TTC39C: variants seen among roughly 807,000 people sequenced by gnomAD.
The protein encoded by TTC39C is tetratricopeptide repeat protein 39C.
Under a neutral mutation model 76.3 loss-of-function variants are expected in TTC39C, and 33 were observed. The ratio of observed to expected loss-of-function variants is 0.43; its 90% CI spans 0.33 to 0.58. The LOEUF (loss-of-function observed/expected upper bound fraction) is 0.58, where lower values mean the gene tolerates loss of function less well. Among genes scored for constraint, TTC39C ranks in the 20% least tolerant of loss-of-function variants. TTC39C has a pLI of 0.04. For synonymous variants in TTC39C, 254 were observed against 260.6 expected (o/e 0.97, Z 0.24); for missense variants, 595 against 701.4 (o/e 0.85, Z 1.71).
intron 1 of TTC39C, among the ~76,000 whole-genome samples, chr18:24,039,732 T>A (rs2083769944): frequency 6.6e-6 from 1 of 152,152 alleles, no homozygotes; most frequent in Non-Finnish European, 1.5e-5. Flanking sequence ...AGAAAACAAG[T>A]TAGAGAGCGA....
At chr18:24,019,762 G>A in intron 1 of TTC39C, 1 of 916,842 alleles carries the variant, frequency 1.1e-6, no homozygotes, top group Non-Finnish European at 1.6e-6. Context: ...GTTATGTGTG[G>A]TCTGTGGTTG....
intron 6 of TTC39C, among the ~76,000 whole-genome samples, chr18:24,110,592 CACTT>C (rs1260719770): frequency 6.6e-6 from 1 of 152,190 alleles, no homozygotes; most frequent in African/African-American, 2.4e-5. Flanking sequence ...CGGCAACACT[CACTT>C]AGAGAATAAA....
At chr18:24,075,880 T>C (rs897797551) in intron 4 of TTC39C, among the ~76,000 whole-genome samples, 5 of 152,092 alleles carry the variant, frequency 3.3e-5, no homozygotes, top group African/African-American at 1.2e-4. Context: ...TAACTTGATA[T>C]TCCCATTTTG....
intron 1 of TTC39C, among the ~76,000 whole-genome samples, chr18:24,019,241 C>G (rs1331724550): frequency 6.6e-6 from 1 of 152,216 alleles, no homozygotes; most frequent in East Asian, 1.9e-4. Flanking sequence ...ACCAGCCCAT[C>G]TCCCGCTTTA....
chr18:23,999,190 C>G (rs953333175), intron 1 of TTC39C, among the ~76,000 whole-genome samples: 1 of 152,174 alleles, frequency 6.6e-6, no homozygotes, highest in South Asian at 2.1e-4. Flanking sequence ...ACCTTCGAAA[C>G]CTAAGCCTTC....
intron 6 of TTC39C, among the ~76,000 whole-genome samples, chr18:24,083,371 C>A (rs1241321664): frequency 6.6e-6 from 1 of 152,132 alleles, no homozygotes; most frequent in Non-Finnish European, 1.5e-5. Context: ...TATTTAGTTG[C>A]TGAGTTGAAA....
At chr18:24,129,020 G>A (rs2085087441) in intron 11 of TTC39C, 37 bp downstream of exon 11, 2 of 1,538,070 alleles carry the variant, frequency 1.3e-6, no homozygotes, top group South Asian at 2.3e-5. Flanking sequence ...AAGAAAATAA[G>A]TCACGAACAC....
At chr18:24,052,676 G>C (rs1243214450) in intron 1 of TTC39C, among the ~76,000 whole-genome samples, 2 of 152,100 alleles carry the variant, frequency 1.3e-5, no homozygotes, top group Non-Finnish European at 2.9e-5. Context: ...GTTTTTGTTT[G>C]GTGTGATTTC....
chr18:24,038,268 A>G (rs140688552), intron 1 of TTC39C, among the ~76,000 whole-genome samples: 35 of 152,288 alleles, frequency 2.3e-4, no homozygotes, highest in Admixed American at 4.6e-4. Flanking sequence ...CAATCTACAC[A>G]GCATGTAATT....
chr18:24,047,085 TATATA>T (rs2083894284), intron 1 of TTC39C, among the ~76,000 whole-genome samples: 1 of 151,732 alleles, frequency 6.6e-6, no homozygotes, highest in African/African-American at 2.4e-5. Context: ...TTTACATTGA[TATATA>T]TTTCTTTTTT....
chr18:24,031,399 C>G (rs2083669001), intron 1 of TTC39C, among the ~76,000 whole-genome samples: 1 of 152,170 alleles, frequency 6.6e-6, no homozygotes, highest in Non-Finnish European at 1.5e-5. Context: ...TGTTTTTATG[C>G]TGAATAGTAT....
chr18:24,123,738 C>A, intron 8 of TTC39C, 96 bp from the exon 9 acceptor site: 1 of 856,572 alleles, frequency 1.2e-6, no homozygotes, highest in Non-Finnish European at 1.8e-6. Context: ...CATATTTGCT[C>A]CTGCTTTTTT....
chr18:24,009,131 C>T (rs975521458), intron 1 of TTC39C, among the ~76,000 whole-genome samples: 1 of 152,160 alleles, frequency 6.6e-6, no homozygotes, highest in Non-Finnish European at 1.5e-5. Context: ...ATGAAATAAT[C>T]TGTACAACAA....
chr18:24,130,882 G>A (rs1942599258), intron 12 of TTC39C, among the ~76,000 whole-genome samples: 1 of 151,690 alleles, frequency 6.6e-6, no homozygotes, highest in Non-Finnish European at 1.5e-5. Context: ...TAAAAATACA[G>A]TTTTTAAAAG....
At chr18:24,035,800 C>T (rs2083724549) in intron 1 of TTC39C, among the ~76,000 whole-genome samples, 1 of 152,130 alleles carries the variant, frequency 6.6e-6, no homozygotes, top group Non-Finnish European at 1.5e-5. Flanking sequence ...ATCGGTGTAT[C>T]TGTATTTTCT....
At chr18:24,030,956 G>C (rs2083661576) in intron 1 of TTC39C, among the ~76,000 whole-genome samples, 1 of 146,574 alleles carries the variant, frequency 6.8e-6, no homozygotes, top group Non-Finnish European at 1.5e-5. Context: ...TTTTGTTTTT[G>C]TTTTTGAGAC....
chr18:24,075,671 T>G (rs2084296180), intron 4 of TTC39C, among the ~76,000 whole-genome samples: 2 of 125,906 alleles, frequency 1.6e-5, no homozygotes, highest in African/African-American at 3.1e-5. Context: ...GCAATCCAAG[T>G]GAGACCTTGT....
chr18:24,071,342 G>A (rs780565754), intron 4 of TTC39C, among the ~76,000 whole-genome samples: 53 of 152,262 alleles, frequency 3.5e-4, no homozygotes, highest in Non-Finnish European at 6.5e-4. Context: ...GCAAACACAG[G>A]CCTAGTCCCT....
At chr18:24,123,729 A>T in intron 8 of TTC39C, 105 bp from the exon 9 acceptor site, 1 of 778,308 alleles carries the variant, frequency 1.3e-6, no homozygotes, top group Non-Finnish European at 2.0e-6. Context: ...GTCTTTAAAC[A>T]TATTTGCTCC....
Sources: gnomAD v4.1 joint callset for allele counts (sites outside exome capture counted in the v4.1 genomes callset) on GRCh38, gnomAD v4.1.1 for gene constraint, MANE v1.5 for transcripts, NCBI Gene and HGNC (gene_info 2026-07-23, HGNC 2026-07-21) for gene names.